Variants in PARD3B observed in about 807,000 individuals in gnomAD.
PARD3B encodes the protein par-3 family cell polarity regulator beta.
In PARD3B, 103 loss-of-function variants were observed where a neutral mutation model predicts 130.2. The ratio of observed to expected loss-of-function variants is 0.79; its 90% CI spans 0.67 to 0.93. PARD3B has a LOEUF of 0.93. Among genes scored for constraint, PARD3B ranks in the 40% least tolerant of loss-of-function variants. The pLI is 0.00. For missense variants in PARD3B, 1,609 were observed against 1,499.2 expected (o/e 1.07, Z -1.21); for synonymous variants, 583 against 553.2 (o/e 1.05, Z -0.76).
In PARD3B at chr2:205,592,962, T is replaced by C. The variant is rs914627951; in HGVS notation, c.3261-22494T>C. On this transcript the variant is annotated intron_variant, in intron 22 of 22. Transcript: ENST00000406610. This position sits in a 1 kb window ranked among gnomAD's most constrained non-coding sequence, Gnocchi z 4.5. ...TTTGTCTTTCATCTCATTGCCCAGCTAGGTGCAACCTGGATAGACATTGTG... is the reference window on the plus strand; with the variant it reads ...TTTGTCTTTCATCTCATTGCCCAGCCAGGTGCAACCTGGATAGACATTGTG... Among the ~76,000 whole-genome samples the C allele has an allele frequency of 6.6e-6, 1 of 152,262 alleles. No individual in the cohort carries two copies. Among genetic ancestry groups the C allele is most frequent in the African/African-American group, 2.4e-5 (1 of 41,470 alleles).
At chr2:205,328,017 C>T (rs376926175) in intron 18 of PARD3B, among the ~76,000 whole-genome samples, 2 of 152,106 alleles carry the variant, frequency 1.3e-5, no homozygotes, top group South Asian at 4.1e-4. Flanking sequence ...AGGGATCAAG[C>T]ACTCTTATGC....
chr2:205,093,085 G>A (rs1702203622), intron 4 of PARD3B, among the ~76,000 whole-genome samples: 1 of 152,002 alleles, frequency 6.6e-6, no homozygotes, highest in African/African-American at 2.4e-5. Flanking sequence ...CAGCTGGCTG[G>A]CAACTTCGAA....
intron 18 of PARD3B, among the ~76,000 whole-genome samples, chr2:205,398,112 A>G (rs1187576254): frequency 6.6e-6 from 1 of 152,176 alleles, no homozygotes; most frequent in Non-Finnish European, 1.5e-5. Context: ...CAGCCTGGCC[A>G]ACATGGTGAA....
intron 20 of PARD3B, among the ~76,000 whole-genome samples, chr2:205,441,009 C>T (rs1033159429): frequency 6.6e-6 from 1 of 152,100 alleles, no homozygotes; most frequent in African/African-American, 2.4e-5. Context: ...AAGATTTATT[C>T]AGGAAGATGG....
At chr2:205,597,472 G>T (rs1232313563) in intron 22 of PARD3B, among the ~76,000 whole-genome samples, 1 of 152,138 alleles carries the variant, frequency 6.6e-6, no homozygotes, top group Admixed American at 6.5e-5. Context: ...ATTGTGAATA[G>T]CATTGTAATA....
chr2:205,088,925 C>G (rs1323970461), intron 4 of PARD3B, among the ~76,000 whole-genome samples: 1 of 151,590 alleles, frequency 6.6e-6, no homozygotes, highest in African/African-American at 2.4e-5. Context: ...TCCCGAGTAG[C>G]TGGGATGGGA....
In PARD3B at chr2:205,543,318, A is replaced by G. The variant is rs370578590; in HGVS notation, c.3181-10006A>G. 5.9e-5 allele frequency among the ~76,000 whole-genome samples: 9 copies of G among 152,244 alleles called. 1 individual carries two copies. Among genetic ancestry groups the G allele is most frequent in the African/African-American group, 2.2e-4 (9 of 41,470 alleles). ...TTAGGAAACACTTTTGCTATACCAA[A>G]AAATTAGAATATATACAAATATTAA... On this transcript the variant is annotated intron_variant, in intron 21 of 22. Coordinates refer to ENST00000406610, the MANE Select transcript of PARD3B (RefSeq NM_001302769.2).
chr2:205,272,557 G>T (rs1227788248), intron 16 of PARD3B, among the ~76,000 whole-genome samples: 1 of 152,128 alleles, frequency 6.6e-6, no homozygotes, highest in Non-Finnish European at 1.5e-5. Context: ...GTTTCTTCTT[G>T]TCTGGCATCA....
intron 2 of PARD3B, among the ~76,000 whole-genome samples, chr2:204,712,287 T>G (rs2038479890): frequency 6.6e-6 from 1 of 152,134 alleles, no homozygotes; most frequent in South Asian, 2.1e-4. Flanking sequence ...AGCTTACCAT[T>G]TCCAGGAACA....
chr2:205,180,848 G>C (rs113798296), intron 13 of PARD3B, among the ~76,000 whole-genome samples: 1 of 152,138 alleles, frequency 6.6e-6, no homozygotes, highest in Admixed American at 6.5e-5. Flanking sequence ...GGTGCTTCAA[G>C]ATGGTAATAG....
At chr2:204,874,892 T>C (rs2045775058) in intron 2 of PARD3B, among the ~76,000 whole-genome samples, 1 of 152,232 alleles carries the variant, frequency 6.6e-6, no homozygotes, top group Non-Finnish European at 1.5e-5. Flanking sequence ...TCATCCATAT[T>C]GTTGCAGGCA....
At chr2:204,686,358 C>A in intron 2 of PARD3B, 76 bp downstream of exon 2, 1 of 1,054,266 alleles carries the variant, frequency 9.5e-7, no homozygotes, top group Non-Finnish European at 1.5e-6. Context: ...AAATCCTTAA[C>A]AAACTCATGT....
At chr2:205,379,054 G>A (rs1289172815) in intron 18 of PARD3B, among the ~76,000 whole-genome samples, 5 of 151,742 alleles carry the variant, frequency 3.3e-5, no homozygotes, top group African/African-American at 1.2e-4. Context: ...AGGAAGCCAC[G>A]AAAAAAACTC....
chr2:204,912,394 A>G (rs1355252558), intron 2 of PARD3B, among the ~76,000 whole-genome samples: 1 of 152,106 alleles, frequency 6.6e-6, no homozygotes, highest in Non-Finnish European at 1.5e-5. Flanking sequence ...CTGACCTTAA[A>G]TTTGCATTTG....
At chr2:204,944,025 A>G (rs1689117663) in intron 2 of PARD3B, among the ~76,000 whole-genome samples, 2 of 145,958 alleles carry the variant, frequency 1.4e-5, no homozygotes, top group Non-Finnish European at 3.0e-5. Flanking sequence ...ACAAACCAAG[A>G]TTTAAAAAGG....
At chr2:204,949,179 C>G (rs1689566757) in intron 2 of PARD3B, among the ~76,000 whole-genome samples, 1 of 152,058 alleles carries the variant, frequency 6.6e-6, no homozygotes, top group Admixed American at 6.6e-5. Flanking sequence ...TTCTCTTAAC[C>G]CCAATATCAA....
chr2:205,345,737 C>T (rs72944105), intron 18 of PARD3B, among the ~76,000 whole-genome samples: 7,917 of 148,392 alleles, frequency 0.053, 332 homozygotes, highest in Middle Eastern at 0.18. Context: ...AAAATCTACT[C>T]CCAGTATATT....
chr2:205,471,305 A>G (rs2048819599), intron 20 of PARD3B, among the ~76,000 whole-genome samples: 1 of 150,714 alleles, frequency 6.6e-6, no homozygotes. Context: ...CTTAAGTTAA[A>G]TGCATTGGCT....
chr2:205,018,749 A>AAAAAAAAAC, intron 3 of PARD3B, among the ~76,000 whole-genome samples: 1 of 120,026 alleles, frequency 8.3e-6, no homozygotes, highest in Non-Finnish European at 1.8e-5. Flanking sequence ...AAAAAAAAAA[A>AAAAAAAAAC]AGCACGCTGA....
Sources: gnomAD v4.1 joint callset for allele counts (sites outside exome capture counted in the v4.1 genomes callset) on GRCh38, gnomAD v4.1.1 for gene constraint, Gnocchi (gnomAD v3.1) non-coding constraint, MANE v1.5 for transcripts, NCBI Gene and HGNC (gene_info 2026-07-23, HGNC 2026-07-21) for gene names.